Variants in MYOM2 observed in about 807,000 individuals in gnomAD.
MYOM2 encodes the protein myomesin 2, also known as myomesin-2.
MYOM2 carries 254 observed loss-of-function variants against 187.6 expected under a neutral mutation model. The observed-to-expected ratio is 1.35, with a 90% CI of 1.22 to 1.50. MYOM2 has a LOEUF of 1.50. Ranked by LOEUF, MYOM2 falls within the 40% of genes most tolerant of loss-of-function variation. The pLI, the probability that MYOM2 is intolerant of heterozygous loss-of-function variation, is 0.00. For missense variants in MYOM2, 2,796 were observed against 1,924.0 expected (o/e 1.45, Z -8.48); for synonymous variants, 981 against 753.8 (o/e 1.30, Z -4.94).
intron 32 of MYOM2, among the ~76,000 whole-genome samples, chr8:2,139,754 A>C (rs1468068170): frequency 6.6e-6 from 1 of 152,122 alleles, no homozygotes; most frequent in Non-Finnish European, 1.5e-5. Flanking sequence ...ACTTCCACAG[A>C]TCTCTCAGGC....
intron 13 of MYOM2, among the ~76,000 whole-genome samples, chr8:2,084,677 A>G (rs1181128408): frequency 6.6e-6 from 1 of 152,246 alleles, no homozygotes; most frequent in Admixed American, 6.5e-5. Context: ...AGTTATTTGC[A>G]AAAGGCTTAT....
At chr8:2,045,823 A>C (rs933196868) in intron 1 of MYOM2, among the ~76,000 whole-genome samples, 2 of 152,202 alleles carry the variant, frequency 1.3e-5, no homozygotes, top group African/African-American at 4.8e-5. Flanking sequence ...TTGAAATGCA[A>C]CCTGCTGGAG....
At chr8:2,096,575 G>C in intron 18 of MYOM2, 141 bp downstream of exon 18, 1 of 846,472 alleles carries the variant, frequency 1.2e-6, no homozygotes, top group Non-Finnish European at 1.8e-6. Context: ...AGATCATGAA[G>C]TTTTGGAGCT....
At chr8:2,057,244 A>C in intron 3 of MYOM2, 104 bp from the exon 4 acceptor site, 1 of 1,359,728 alleles carries the variant, frequency 7.4e-7, no homozygotes, top group Non-Finnish European at 9.9e-7. Context: ...GAACGCACTT[A>C]AGGAAACCCT....
At chr8:2,132,509 C>G (rs549509489) in intron 32 of MYOM2, among the ~76,000 whole-genome samples, 1 of 152,182 alleles carries the variant, frequency 6.6e-6, no homozygotes, top group Non-Finnish European at 1.5e-5. Flanking sequence ...ATGGCTAGAT[C>G]TCAAAGTCTG....
chr8:2,069,499 T>A lies in MYOM2; in HGVS notation c.793+2T>A, dbSNP rs779805100. ...GTTCGGTGGGACTCCCGATTGGATGTAAGTGGGTTTTTGTTTCTTTTCTGT... is the reference window on the plus strand; with the variant it reads ...GTTCGGTGGGACTCCCGATTGGATGAAAGTGGGTTTTTGTTTCTTTTCTGT... On this transcript the variant is annotated splice_donor_variant, in intron 8 of 36. Transcript: ENST00000262113. LOFTEE classifies it high-confidence loss of function. 5 of 1,614,186 alleles carry A rather than the reference T, an allele frequency of 3.1e-6. No individual in the cohort carries two copies. The South Asian group carries it at 5.5e-5, about 18-fold the overall frequency.
rs1448321751 is a variant in MYOM2, at chr8:2,145,284, G to A, written c.*303G>A. 5 of 503,836 alleles carry A rather than the reference G, an allele frequency of 9.9e-6. No individual in the cohort carries two copies. 31.2% of individuals were successfully genotyped at this position (503,836 alleles called of 1,614,324 possible). A position where few individuals can be genotyped will look rare whatever the true frequency, so the allele number is the denominator to read the frequency against. On this transcript the variant is annotated 3_prime_UTR_variant, in exon 37 of 37. Transcript: ENST00000262113. Reference sequence around the variant, plus strand: ...TTTTCACGGGTGTGGGCACATGGGTGTGGCACCTGGACGTGTGCAGCATGT... The same window carrying A: ...TTTTCACGGGTGTGGGCACATGGGTATGGCACCTGGACGTGTGCAGCATGT...
chr8:2,138,390 G>A (rs1266799944), intron 32 of MYOM2, among the ~76,000 whole-genome samples: 3 of 152,188 alleles, frequency 2.0e-5, no homozygotes, highest in Admixed American at 6.5e-5. Context: ...TCTGCTGCGG[G>A]GTCAGCCTTC....
intron 6 of MYOM2, among the ~76,000 whole-genome samples, chr8:2,064,685 A>G (rs561942522): frequency 5.3e-5 from 8 of 152,342 alleles, no homozygotes; most frequent in African/African-American, 1.9e-4. Context: ...CCTGAAGTCA[A>G]TTGAAAAACA....
Position 2,069,326 on chromosome 8 carries a change from C to T in MYOM2, c.702C>T (p.Ala234=). The part of the protein sequence containing the change: ...TATYSAVATN[A]HGQVSTNAAV... ...CATACTCAGCAGTGGCCACCAATGC[C>T]CACGGACAAGTGTCCACCAACGCGG... Residue 234 remains alanine (A), a synonymous_variant, in exon 7 of 37, where the codon GCC becomes GCT. Transcript: ENST00000262113. The T allele has an allele frequency of 1.2e-6, 2 of 1,613,862 alleles. No individual in the cohort carries two copies. The highest frequency in any genetic ancestry group is 1.7e-6 in the Non-Finnish European group (2 of 1,179,934).
chr8:2,079,332 G>A (rs749363598), intron 12 of MYOM2, among the ~76,000 whole-genome samples: 3 of 151,962 alleles, frequency 2.0e-5, no homozygotes, highest in Non-Finnish European at 2.9e-5. Flanking sequence ...GGTTGTAAGC[G>A]AGCCACTATA....
intron 27 of MYOM2, among the ~76,000 whole-genome samples, chr8:2,116,749 T>G (rs2116837602): frequency 6.6e-6 from 1 of 152,206 alleles, no homozygotes. Flanking sequence ...CCCCAAGGGT[T>G]TATTCAAAGA....
rs146797850 is a variant in MYOM2 at position 2,143,530 on chromosome 8, G to A, written c.4080+74G>A. The A allele has an allele frequency of 2.7e-3, 4,235 of 1,574,878 alleles. 62 individuals carry two copies. In the East Asian group the frequency reaches 0.037, roughly 14 times the overall value. On this transcript the variant is annotated intron_variant, in intron 36 of 36. Transcript: ENST00000262113. ...GGACGCAACCCCTTCTCTTGGGGCG[G>A]AGCAGAGGGAACCCAGTGAGGGGCT...
At chr8:2,136,130 G>T (rs1317184606) in intron 32 of MYOM2, among the ~76,000 whole-genome samples, 2 of 152,222 alleles carry the variant, frequency 1.3e-5, no homozygotes, top group East Asian at 3.9e-4. Flanking sequence ...AAGTGTGTGT[G>T]ATGCAAGAGA....
intron 6 of MYOM2, among the ~76,000 whole-genome samples, chr8:2,064,780 T>TC (rs1198243178): frequency 6.6e-6 from 1 of 151,764 alleles, no homozygotes; most frequent in Non-Finnish European, 1.5e-5. Context: ...TTCTCCTCCA[T>TC]CCCCCTCCTC....
intron 18 of MYOM2, among the ~76,000 whole-genome samples, chr8:2,096,867 T>C (rs1465933876): frequency 6.6e-6 from 1 of 152,214 alleles, no homozygotes; most frequent in Non-Finnish European, 1.5e-5. Flanking sequence ...GACATTCTTG[T>C]ATTTCAGGCC....
chr8:2,057,769 C>T lies in MYOM2; in HGVS notation c.549C>T (p.Pro183=), dbSNP rs747474877. 44 of 1,613,920 alleles carry T rather than the reference C, an allele frequency of 2.7e-5. No homozygotes were observed. The highest frequency in any genetic ancestry group is 1.6e-4 in the Middle Eastern group (1 of 6,084). The stretch of plus-strand genomic sequence containing the variant: ...TCACCGTGCAAGGATTTCCCACGCC[C>T]GTGGTGCAGTGGTGAGGGGCTCTGT... ...LCFTVQGFPT[P]VVQWYKDGSL... The change falls in exon 5 of 37, where the codon CCC becomes CCT. Residue 183 remains proline, a synonymous_variant. Transcript: ENST00000262113.
chr8:2,047,092 A>G (rs1818334634), intron 1 of MYOM2, among the ~76,000 whole-genome samples: 1 of 152,172 alleles, frequency 6.6e-6, no homozygotes, highest in Non-Finnish European at 1.5e-5. Flanking sequence ...TGAAAAACAA[A>G]TCGGGAATTG....
Position 2,123,283 on chromosome 8 carries a change from A to G in MYOM2, c.3485A>G (p.Lys1162Arg). 1 of 1,613,252 alleles carries G rather than the reference A, an allele frequency of 6.2e-7. No individual in the cohort carries two copies. The highest frequency in any genetic ancestry group is 8.5e-7 in the Non-Finnish European group (1 of 1,179,808). ...VANTKKETVFKWLKDDVLYET... is the reference protein window; with the variant it reads ...VANTKKETVFRWLKDDVLYET... ...AACACCAAGAAAGAAACCGTTTTCA[A>G]ATGGCTCAAGGATGATGTTCTGTAT... The change falls in exon 29 of 37, where the codon AAA becomes AGA. Residue 1162 changes from lysine (K) to arginine (R), a missense_variant. Transcript: ENST00000262113.
Sources: gnomAD v4.1 joint callset for allele counts (sites outside exome capture counted in the v4.1 genomes callset) on GRCh38, gnomAD v4.1.1 for gene constraint, MANE v1.5 for transcripts, NCBI Gene and HGNC (gene_info 2026-07-23, HGNC 2026-07-21) for gene names.